Variants in SKAP1 observed in about 807,000 individuals in gnomAD.
The protein encoded by SKAP1 is src kinase associated phosphoprotein 1.
A neutral mutation model predicts 58.5 loss-of-function variants in SKAP1; 44 were observed. That is an observed-to-expected ratio of 0.75 (90% CI 0.59 to 0.97). The LOEUF (loss-of-function observed/expected upper bound fraction) is 0.97. Among genes scored for constraint, SKAP1 ranks in the 50% least tolerant of loss-of-function variants. SKAP1 has a pLI of 0.00. For missense variants in SKAP1, 390 were observed against 435.2 expected, an observed-to-expected ratio of 0.90 and a Z score of 0.92; for synonymous variants, 127 against 149.7, an observed-to-expected ratio of 0.85 and a Z score of 1.11.
intron 12 of SKAP1, among the ~76,000 whole-genome samples, chr17:48,135,186 C>T (rs1461947530): frequency 1.5e-4 from 23 of 152,210 alleles, no homozygotes; most frequent in Admixed American, 1.3e-3. Context: ...AATGAGTTCA[C>T]TCAGCTGCTG....
chr17:48,183,777 G>C (rs1435956224), intron 7 of SKAP1, among the ~76,000 whole-genome samples: 1 of 151,842 alleles, frequency 6.6e-6, no homozygotes, highest in East Asian at 1.9e-4. Flanking sequence ...AAAAATTTCT[G>C]GAAATTACAT....
intron 10 of SKAP1, among the ~76,000 whole-genome samples, chr17:48,167,452 G>T (rs1303367513): frequency 6.6e-6 from 1 of 152,148 alleles, no homozygotes; most frequent in Non-Finnish European, 1.5e-5. Context: ...GGCTTCAAAA[G>T]GTAAGAGCTG....
At chr17:48,287,769 A>C (rs1385812356) in intron 4 of SKAP1, among the ~76,000 whole-genome samples, 1 of 152,238 alleles carries the variant, frequency 6.6e-6, no homozygotes, top group East Asian at 1.9e-4. Flanking sequence ...TCAGCTGTAC[A>C]TAAGGTCTCA....
rs1162710744 is a variant in SKAP1, at chr17:48,321,743, C to T, written c.280+24162G>A. ...ATCTCTCCATTGAAAGGTCCACTGA[C>T]ATTGAAAGGTCCTCAGCACTGCTCA... On this transcript the variant is annotated intron_variant, in intron 4 of 12. Transcript: ENST00000336915. Among the ~76,000 whole-genome samples the T allele has an allele frequency of 2.1e-4, 32 of 152,122 alleles. 1 individual carries two copies. The highest frequency in any genetic ancestry group is 2.1e-3 in the Admixed American group (32 of 15,270).
At chr17:48,406,918 G>C (rs1196758041) in intron 1 of SKAP1, among the ~76,000 whole-genome samples, 1 of 152,116 alleles carries the variant, frequency 6.6e-6, no homozygotes, top group African/African-American at 2.4e-5. Flanking sequence ...GCCCAGGCTA[G>C]TCTTGAACTC....
intron 1 of SKAP1, among the ~76,000 whole-genome samples, chr17:48,398,408 GC>G (rs1398803605): frequency 2.6e-5 from 4 of 151,844 alleles, no homozygotes; most frequent in African/African-American, 9.7e-5. Context: ...ACAAGCTCAA[GC>G]CTCCCACTGA....
intron 10 of SKAP1, among the ~76,000 whole-genome samples, chr17:48,165,447 G>T (rs2064127153): frequency 6.7e-6 from 1 of 150,026 alleles, no homozygotes; most frequent in South Asian, 2.1e-4. Context: ...TTTGCCCAGG[G>T]TGGAGTGTAA....
At chr17:48,320,666 A>G (rs2066350573) in intron 4 of SKAP1, among the ~76,000 whole-genome samples, 2 of 152,204 alleles carry the variant, frequency 1.3e-5, no homozygotes, top group South Asian at 4.1e-4. Flanking sequence ...TGTAATTCCA[A>G]TGCTTTGGGA....
chr17:48,377,717 T>C (rs2067168266), intron 2 of SKAP1, among the ~76,000 whole-genome samples: 1 of 152,198 alleles, frequency 6.6e-6, no homozygotes. Flanking sequence ...GATTAGGATT[T>C]TTCTAGGCTT....
chr17:48,293,828 C>T (rs2065928650), intron 4 of SKAP1, among the ~76,000 whole-genome samples: 1 of 152,206 alleles, frequency 6.6e-6, no homozygotes, highest in South Asian at 2.1e-4. Context: ...ACATTCACAG[C>T]AGCATTGCTG....
intron 4 of SKAP1, among the ~76,000 whole-genome samples, chr17:48,294,125 C>T (rs1390569778): frequency 1.3e-5 from 2 of 152,170 alleles, no homozygotes; most frequent in Non-Finnish European, 2.9e-5. Context: ...GTTTTCTTAA[C>T]AAAGCTTCAG....
At chr17:48,197,443 C>G (rs181063195) in intron 4 of SKAP1, among the ~76,000 whole-genome samples, 7 of 151,914 alleles carry the variant, frequency 4.6e-5, no homozygotes, top group Non-Finnish European at 8.8e-5. Context: ...TTCCCCAGCA[C>G]TTTGGGAGGC....
intron 4 of SKAP1, among the ~76,000 whole-genome samples, chr17:48,339,437 A>G (rs1228868279): frequency 6.6e-6 from 1 of 152,228 alleles, no homozygotes; most frequent in Non-Finnish European, 1.5e-5. Context: ...CATAGCTTAC[A>G]TAGTTTTAAA....
intron 2 of SKAP1, 88 bp from the exon 3 acceptor site, chr17:48,363,902 C>T (rs1465995293): frequency 3.8e-6 from 4 of 1,041,526 alleles, no homozygotes; most frequent in Non-Finnish European, 5.6e-6. Context: ...AGCACCTGGT[C>T]CAAAAAGCTT....
intron 4 of SKAP1, among the ~76,000 whole-genome samples, chr17:48,233,428 AG>A (rs766327956): frequency 1.1e-3 from 160 of 152,262 alleles, no homozygotes; most frequent in Admixed American, 2.0e-3. Flanking sequence ...TGTTTGGCAA[AG>A]GTTTGGTGAT....
intron 9 of SKAP1, among the ~76,000 whole-genome samples, chr17:48,177,631 C>T (rs148340958): frequency 1.3e-4 from 20 of 152,124 alleles, no homozygotes; most frequent in African/African-American, 4.8e-4. Context: ...GTGTTAGGCC[C>T]CCTCACATTC....
chr17:48,374,241 A>G (rs1354430891), intron 2 of SKAP1, among the ~76,000 whole-genome samples: 1 of 135,758 alleles, frequency 7.4e-6, no homozygotes, highest in African/African-American at 2.9e-5. Context: ...GGGTTTCACC[A>G]TGTTGCCCAG....
At chr17:48,187,036 G>A (rs1567811428) in intron 6 of SKAP1, among the ~76,000 whole-genome samples, 1 of 152,218 alleles carries the variant, frequency 6.6e-6, no homozygotes, top group South Asian at 2.1e-4. Flanking sequence ...TTGCGTCTTA[G>A]AATTACTCCT....
At chr17:48,230,309 A>G (rs575705952) in intron 4 of SKAP1, among the ~76,000 whole-genome samples, 4 of 152,284 alleles carry the variant, frequency 2.6e-5, no homozygotes, top group African/African-American at 9.6e-5. Context: ...TTTCTTGTCC[A>G]TACTAGGTTA....
Sources: gnomAD v4.1 joint callset for allele counts (sites outside exome capture counted in the v4.1 genomes callset) on GRCh38, gnomAD v4.1.1 for gene constraint, MANE v1.5 for transcripts, NCBI Gene and HGNC (gene_info 2026-07-23, HGNC 2026-07-21) for gene names.